XKR4: variants seen among roughly 807,000 people sequenced by gnomAD.
The protein encoded by XKR4 is XK-related protein 4.
In XKR4, 12 loss-of-function variants were observed where a neutral mutation model predicts 53.9. The observed-to-expected ratio is 0.22, with a 90% CI of 0.14 to 0.36. The LOEUF is 0.36. XKR4 is among the 10% of genes least tolerant of loss of function. The probability of loss-of-function intolerance (pLI) is 1.00; values close to 1 mark genes in which losing one functional copy is unlikely to be tolerated. For synonymous variants in XKR4, 354 were observed against 362.4 expected (o/e 0.98, Z 0.26); for missense variants, 799 against 859.5 (o/e 0.93, Z 0.88).
At chr8:55,324,825 T>C (rs746934500) in intron 1 of XKR4, among the ~76,000 whole-genome samples, 1 of 152,182 alleles carries the variant, frequency 6.6e-6, no homozygotes, top group Non-Finnish European at 1.5e-5. Flanking sequence ...CAAACTCTGA[T>C]TCAAAAATCC....
intron 1 of XKR4, among the ~76,000 whole-genome samples, chr8:55,153,530 C>T (rs1816866072): frequency 6.6e-6 from 1 of 152,162 alleles, no homozygotes; most frequent in Admixed American, 6.5e-5. Flanking sequence ...TATGTGTCCA[C>T]TACAATGATA....
At position 55,136,217 on chromosome 8, in the gene XKR4, C is replaced by A. The variant is rs115821680; in HGVS notation, c.806+32923C>A. On this transcript the variant is annotated intron_variant, in intron 1 of 2. Coordinates refer to ENST00000327381, the MANE Select transcript of XKR4 (RefSeq NM_052898.2). The stretch of plus-strand genomic sequence containing the variant: ...CATGCTCACTAATTTGTCTTTACTG[C>A]AAACAATTTACAATATACTCACCAT... Among the ~76,000 whole-genome samples, 673 of 152,222 alleles carry A rather than the reference C, an allele frequency of 4.4e-3. 7 individuals carry two copies. Among genetic ancestry groups the A allele is most frequent in the African/African-American group, 0.016 (646 of 41,514 alleles).
At chr8:55,421,412 C>T (rs1804929606) in intron 2 of XKR4, among the ~76,000 whole-genome samples, 1 of 152,160 alleles carries the variant, frequency 6.6e-6, no homozygotes, top group South Asian at 2.1e-4. Flanking sequence ...AAACTGGATC[C>T]AACCAATGGG....
chr8:55,326,468 CTTT>C (rs10666278), intron 1 of XKR4, among the ~76,000 whole-genome samples: 5 of 111,774 alleles, frequency 4.5e-5, no homozygotes, highest in Admixed American at 1.1e-4. Context: ...ATTTTTTTTC[CTTT>C]TTTTTTTTTT....
intron 2 of XKR4, among the ~76,000 whole-genome samples, chr8:55,419,558 G>C (rs1804895751): frequency 1.3e-5 from 2 of 152,144 alleles, no homozygotes. Context: ...TAATACATGA[G>C]GTAATTGAAC....
rs114345226 is a variant in XKR4 at position 55,291,880 on chromosome 8, T to C, written c.807-65798T>C. 5.3e-3 allele frequency among the ~76,000 whole-genome samples: 804 copies of C among 152,252 alleles called. 10 individuals carry two copies. The highest frequency in any genetic ancestry group is 0.016 in the African/African-American group (676 of 41,566). On this transcript the variant is annotated intron_variant, in intron 1 of 2. Transcript: ENST00000327381. ...CTTTATTCTTACTTTTCTGAGGTAT[T>C]TTTTAAAATCATAAATGAATGTAGA...
chr8:55,415,522 T>C (rs1298153074), intron 2 of XKR4, among the ~76,000 whole-genome samples: 1 of 152,126 alleles, frequency 6.6e-6, no homozygotes, highest in East Asian at 1.9e-4. Flanking sequence ...GTGGGCCGGG[T>C]GCTGAGTCTT....
intron 2 of XKR4, among the ~76,000 whole-genome samples, chr8:55,439,866 C>A (rs991585279): frequency 6.6e-6 from 1 of 152,086 alleles, no homozygotes; most frequent in African/African-American, 2.4e-5. Flanking sequence ...ACTCAAGAAG[C>A]CTAATTAATC....
rs570580347 is a variant in XKR4, at chr8:55,344,226, T to G, written c.807-13452T>G. Among the ~76,000 whole-genome samples, 5 of 152,332 alleles carry G rather than the reference T, an allele frequency of 3.3e-5. No homozygotes were observed. The East Asian group carries it at 9.6e-4, about 29-fold the overall frequency. ...GGATTTTTCAGTTATCTTTTAAAAC[T>G]ATAAACATCCATAAATCTGCTAAAG... On this transcript the variant is annotated intron_variant, in intron 1 of 2. Coordinates refer to ENST00000327381, the MANE Select transcript of XKR4 (RefSeq NM_052898.2).
At chr8:55,293,397 A>C (rs1297344415) in intron 1 of XKR4, among the ~76,000 whole-genome samples, 1 of 152,190 alleles carries the variant, frequency 6.6e-6, no homozygotes, top group African/African-American at 2.4e-5. Flanking sequence ...AAGAAGGAAC[A>C]AGTGCGAAAT....
intron 2 of XKR4, among the ~76,000 whole-genome samples, chr8:55,414,672 C>A (rs1804820473): frequency 6.6e-6 from 1 of 151,922 alleles, no homozygotes; most frequent in Non-Finnish European, 1.5e-5. Flanking sequence ...GTGGAGATCA[C>A]TAGGGACCAT....
At chr8:55,452,358 G>A in intron 2 of XKR4, 1 of 631,186 alleles carries the variant, frequency 1.6e-6, no homozygotes, top group South Asian at 1.7e-5. Flanking sequence ...CAGGGGGTCT[G>A]TGAGCATCCC....
intron 2 of XKR4, among the ~76,000 whole-genome samples, chr8:55,490,435 G>A (rs953685611): frequency 6.6e-6 from 1 of 152,062 alleles, no homozygotes; most frequent in African/African-American, 2.4e-5. Context: ...AGAGGGGCAA[G>A]GGTTGAAAAA....
chr8:55,293,729 T>C (rs1469932451), intron 1 of XKR4, among the ~76,000 whole-genome samples: 3 of 152,202 alleles, frequency 2.0e-5, no homozygotes, highest in East Asian at 1.9e-4. Context: ...AAAATGTTTA[T>C]ACGCTAATTT....
At chr8:55,243,000 A>G (rs928534646) in intron 1 of XKR4, among the ~76,000 whole-genome samples, 2 of 152,142 alleles carry the variant, frequency 1.3e-5, no homozygotes, top group African/African-American at 4.8e-5. Flanking sequence ...CAATAGGCCT[A>G]TTTTTGTTGT....
chr8:55,336,055 A>AAG (rs1554519054), intron 1 of XKR4, among the ~76,000 whole-genome samples: 30 of 151,588 alleles, frequency 2.0e-4, no homozygotes, highest in African/African-American at 7.0e-4. Flanking sequence ...AAAAAAAAAA[A>AAG]AAAAGAAAAG....
chr8:55,400,122 G>A (rs1804577174), intron 2 of XKR4, among the ~76,000 whole-genome samples: 1 of 152,170 alleles, frequency 6.6e-6, no homozygotes, highest in African/African-American at 2.4e-5. Flanking sequence ...GGAGAATGAA[G>A]AGAACTTTGT....
At chr8:55,456,767 C>A (rs1805575691) in intron 2 of XKR4, among the ~76,000 whole-genome samples, 1 of 152,036 alleles carries the variant, frequency 6.6e-6, no homozygotes, top group South Asian at 2.1e-4. Flanking sequence ...ATAAACATAG[C>A]ATCAAAGGCA....
At chr8:55,161,075 G>A (rs1365157967) in intron 1 of XKR4, among the ~76,000 whole-genome samples, 3 of 152,110 alleles carry the variant, frequency 2.0e-5, no homozygotes, top group Non-Finnish European at 4.4e-5. Flanking sequence ...TTCGGCTTTG[G>A]TGGTTATCTC....
Sources: gnomAD v4.1 joint callset for allele counts (sites outside exome capture counted in the v4.1 genomes callset) on GRCh38, gnomAD v4.1.1 for gene constraint, MANE v1.5 for transcripts, NCBI Gene and HGNC (gene_info 2026-07-23, HGNC 2026-07-21) for gene names.